The following LGALS14 variants were observed in gnomAD, a reference collection of about 807,000 sequenced individuals.
LGALS14 encodes the protein galectin 14, also known as placental protein 13-like.
In LGALS14, 14 loss-of-function variants were observed where a neutral mutation model predicts 14.6. That is an observed-to-expected ratio of 0.96 (90% CI 0.64 to 1.50). The LOEUF is 1.50. Ranked by LOEUF, LGALS14 falls within the 40% of genes most tolerant of loss-of-function variation. LGALS14 has a pLI of 0.00. For synonymous variants in LGALS14, 57 were observed against 63.9 expected (o/e 0.89, Z 0.51); for missense variants, 180 against 172.0 (o/e 1.05, Z -0.26).
chr19:39,709,060 G>A, intron 3 of LGALS14, 137 bp from the exon 4 acceptor site: 2 of 691,978 alleles, frequency 2.9e-6, no homozygotes, highest in Non-Finnish European at 5.3e-6. Flanking sequence ...TAAAATCACA[G>A]AAGTGTGTCT....
At chr19:39,707,761 C>T (rs545512060) in intron 3 of LGALS14, among the ~76,000 whole-genome samples, 12 of 152,290 alleles carry the variant, frequency 7.9e-5, no homozygotes, top group Non-Finnish European at 1.5e-5. Context: ...CAATTCTACT[C>T]ATAAGAACAC....
rs111361406 is a variant in LGALS14, at chr19:39,709,216, G to A, written c.323G>A (p.Arg108His). ...TTGTAGGTAATGGTAAATGGCCAAC[G>A]CATTTACAACTTTGCCCATCGATTC... ...KEYKVMVNGQ[R>H]IYNFAHRFPP... Residue 108 changes from arginine (R) to histidine (H), a missense_variant, in exon 4 of 4, where the codon CGC (arginine) becomes CAC (histidine). Physicochemically the swap from Arg to His is conservative, Grantham distance 29. Coordinates refer to ENST00000392052, the MANE Select transcript of LGALS14 (RefSeq NM_020129.3). 17 of 1,611,664 alleles carry A rather than the reference G, an allele frequency of 1.1e-5. No homozygotes were observed. The highest frequency in any genetic ancestry group is 1.7e-4 in the Middle Eastern group (1 of 6,052).
At position 39,704,524 on chromosome 19, in the gene LGALS14, G is replaced by C. The variant is rs1406806624; in HGVS notation, c.-5G>C. On this transcript the variant is annotated 5_prime_UTR_variant, in exon 1 of 4. Coordinates refer to ENST00000392052, the MANE Select transcript of LGALS14 (RefSeq NM_020129.3). ...TTCCGAAGAGCTGCCCAGAAGGAGAGAACAATGTCATCACTACCCGTGAGT... is the reference window on the plus strand; with the variant it reads ...TTCCGAAGAGCTGCCCAGAAGGAGACAACAATGTCATCACTACCCGTGAGT... 6.2e-7 allele frequency: 1 copy of C among 1,613,694 alleles called. No homozygotes were observed. The highest frequency in any genetic ancestry group is 1.7e-5 in the Admixed American group (1 of 60,006).
intron 3 of LGALS14, among the ~76,000 whole-genome samples, chr19:39,707,871 G>A (rs28631884): frequency 0.062 from 9,463 of 151,926 alleles, 952 homozygotes; most frequent in African/African-American, 0.21. Context: ...GTGCAGTGGC[G>A]TGATCACAGC....
chr19:39,707,414 C>T, intron 3 of LGALS14, 26 bp downstream of exon 3: 1 of 1,590,334 alleles, frequency 6.3e-7, no homozygotes, highest in Non-Finnish European at 8.6e-7. Flanking sequence ...TCTTCCAGCG[C>T]TGGAGCTCTG....
intron 1 of LGALS14, 104 bp downstream of exon 1, chr19:39,704,647 T>C: frequency 9.4e-7 from 1 of 1,064,398 alleles, no homozygotes. Context: ...CTACTGTGAA[T>C]GCATTACCGA....
chr19:39,706,255 C>G (rs190421946), intron 1 of LGALS14, among the ~76,000 whole-genome samples: 3 of 152,304 alleles, frequency 2.0e-5, no homozygotes, highest in Admixed American at 1.3e-4. Context: ...ATATTAACTC[C>G]TCTATTACTG....
Position 39,709,207 on chromosome 19 carries a change from A to G in LGALS14, c.314A>G (p.Asn105Ser). ...VRHKEYKVMVNGQRIYNFAHR... is the reference protein window; with the variant it reads ...VRHKEYKVMVSGQRIYNFAHR... ...TTTTTCCTCTTGTAGGTAATGGTAA[A>G]TGGCCAACGCATTTACAACTTTGCC... The change falls in exon 4 of 4, where the codon AAT becomes AGT. Residue 105 changes from asparagine to serine, a missense_variant. Transcript: ENST00000392052. 6.2e-7 allele frequency: 1 copy of G among 1,611,700 alleles called. No homozygotes were observed. The highest frequency in any genetic ancestry group is 1.7e-5 in the Admixed American group (1 of 60,004).
chr19:39,705,444 A>G (rs1973699505), intron 1 of LGALS14, among the ~76,000 whole-genome samples: 1 of 152,176 alleles, frequency 6.6e-6, no homozygotes, highest in Non-Finnish European at 1.5e-5. Context: ...GACGGAATCA[A>G]ACAAAATATC....
chr19:39,705,940 G>C (rs758952330), intron 1 of LGALS14: 1 of 1,613,898 alleles, frequency 6.2e-7, no homozygotes, highest in Non-Finnish European at 8.5e-7. Context: ...ATTTGTGCAA[G>C]TACTGGGGCT....
At chr19:39,707,529 C>G (rs1876282358) in intron 3 of LGALS14, 141 bp downstream of exon 3, 4 of 711,048 alleles carry the variant, frequency 5.6e-6, no homozygotes, top group South Asian at 3.4e-5. Flanking sequence ...CACAGAGCAC[C>G]CTCTGCTTGC....
At chr19:39,706,509 C>G in intron 1 of LGALS14, 88 bp from the exon 2 acceptor site, 1 of 955,996 alleles carries the variant, frequency 1.0e-6, no homozygotes, top group Non-Finnish European at 1.7e-6. Context: ...GACCTTTGAT[C>G]TCTAACCTCC....
Position 39,706,683 on chromosome 19 carries a change from C to T in LGALS14, c.92+10C>T, listed in dbSNP as rs764809291. On this transcript the variant is annotated intron_variant, in intron 2 of 3. Coordinates refer to ENST00000392052, the MANE Select transcript of LGALS14 (RefSeq NM_020129.3). ...CGATCCTCACTTTTGTGTGAGTACT[C>T]CATGGTCCAATGGAGGGGGTGGAGG... The T allele has an allele frequency of 1.2e-6, 2 of 1,602,152 alleles. No individual in the cohort carries two copies. Among genetic ancestry groups the T allele is most frequent in the Admixed American group, 1.7e-5 (1 of 59,994 alleles).
intron 2 of LGALS14, among the ~76,000 whole-genome samples, 170 bp from the exon 3 acceptor site, chr19:39,707,008 C>T (rs573121266): frequency 1.1e-4 from 17 of 152,352 alleles, no homozygotes; most frequent in African/African-American, 4.1e-4. Flanking sequence ...CACAGCATCT[C>T]CCTGCCTGGG....
At position 39,709,251 on chromosome 19, in the gene LGALS14, T is replaced by A. The variant is rs367773112; in HGVS notation, c.358T>A (p.Ser120Thr). 6.2e-6 allele frequency: 10 copies of A among 1,613,704 alleles called. No homozygotes were observed. The Admixed American group carries it at 1.0e-4, about 16-fold the overall frequency. The part of the protein sequence containing the change: ...YNFAHRFPPA[S>T]VKMLQVFRDI... ...CTTTGCCCATCGATTCCCGCCAGCA[T>A]CTGTGAAGATGCTGCAAGTCTTCAG... The change falls in exon 4 of 4, where the codon TCT becomes ACT. Residue 120 changes from serine to threonine, a missense_variant. Physicochemically the swap from Ser to Thr is moderately conservative, Grantham distance 58. Transcript: ENST00000392052.
At chr19:39,705,591 C>A in intron 1 of LGALS14, 1 of 256,298 alleles carries the variant, frequency 3.9e-6, no homozygotes, top group Non-Finnish European at 7.7e-6. Context: ...GACTATAATC[C>A]CACCAATTTG....
rs1336157445 is a variant in LGALS14, at chr19:39,709,301, T to C, written c.408T>C (p.Leu136=). The change falls in exon 4 of 4, where the codon CTT becomes CTC. Residue 136 remains leucine (L), a synonymous_variant. Coordinates refer to ENST00000392052, the MANE Select transcript of LGALS14 (RefSeq NM_020129.3). ...VFRDISLTRV[L]ISD ...GAGATATCTCCCTGACCAGAGTGCT[T>C]ATCAGCGATTGAGGGAGATGATCAG... 6.4e-7 allele frequency: 1 copy of C among 1,572,068 alleles called. No individual in the cohort carries two copies. The highest frequency in any genetic ancestry group is 1.1e-5 in the South Asian group (1 of 90,176).
intron 3 of LGALS14, among the ~76,000 whole-genome samples, chr19:39,707,806 C>CTTTTTATT (rs1973738411): frequency 6.6e-6 from 1 of 151,948 alleles, no homozygotes; most frequent in African/African-American, 2.4e-5. Context: ...CAGAAAGAAA[C>CTTTTTATT]TTTTTATTTT....
chr19:39,707,374 C>T lies in LGALS14; in HGVS notation c.289C>T (p.His97Tyr). ...KPFELCIYVR[H>Y]KEYKVMVNGQ... ...ATTTGAGCTGTGCATCTATGTGCGT[C>T]ACAAGGAATACAAGGTGAGTACTTC... Residue 97 changes from histidine to tyrosine, a missense_variant, in exon 3 of 4, where the codon CAC becomes TAC. Physicochemically the swap from His to Tyr is moderately conservative, Grantham distance 83. Coordinates refer to ENST00000392052, the MANE Select transcript of LGALS14 (RefSeq NM_020129.3). 1 of 1,613,866 alleles carries T rather than the reference C, an allele frequency of 6.2e-7. No homozygotes were observed. Among genetic ancestry groups the T allele is most frequent in the Non-Finnish European group, 8.5e-7 (1 of 1,179,834 alleles).
Sources: gnomAD v4.1 joint callset for allele counts (sites outside exome capture counted in the v4.1 genomes callset) on GRCh38, gnomAD v4.1.1 for gene constraint, MANE v1.5 for transcripts, NCBI Gene and HGNC (gene_info 2026-07-23, HGNC 2026-07-21) for gene names.